Variants in ZNF320 observed in about 807,000 individuals in gnomAD.
The protein encoded by ZNF320 is zinc finger gene 320.
Under a neutral mutation model 6.8 loss-of-function variants are expected in ZNF320, and 2 were observed. The observed-to-expected ratio is 0.29, with a 90% CI of 0.12 to 0.93. The LOEUF is 0.93. ZNF320 is among the 40% of genes least tolerant of loss of function. The pLI, the probability that ZNF320 is intolerant of heterozygous loss-of-function variation, is 0.55. For missense variants in ZNF320, 472 were observed against 611.0 expected (o/e 0.77, Z 2.40); for synonymous variants, 208 against 203.2 (o/e 1.02, Z -0.20).
Position 52,869,538 on chromosome 19 carries a change from G to GT in ZNF320, c.223+4453dup, listed in dbSNP as rs1386450650. On this transcript the variant is annotated intron_variant, in intron 5 of 5. Coordinates refer to the ZNF320 transcript ENST00000673631. Reference sequence around the variant, plus strand: ...ATAACAATAATAATAATAATGACAGGTTTTTTTTCTTTTTTTGAGATGGAG... The same window carrying GT: ...ATAACAATAATAATAATAATGACAGGTTTTTTTTTCTTTTTTTGAGATGGAG... 1.4e-4 allele frequency among the ~76,000 whole-genome samples: 21 copies of GT among 151,620 alleles called. No homozygotes were observed. The East Asian group carries it at 2.9e-3, about 21-fold the overall frequency.
At chr19:52,893,173 T>C (rs2064364007) in intron 2 of ZNF320, among the ~76,000 whole-genome samples, 1 of 151,992 alleles carries the variant, frequency 6.6e-6, no homozygotes, top group Non-Finnish European at 1.5e-5. Flanking sequence ...TTGGACACCT[T>C]CATGTCAGAG....
rs771093334 is a variant in ZNF320, at chr19:52,867,189, A to AATTT, written c.224-3034_224-3031dup. On this transcript the variant is annotated intron_variant, in intron 5 of 5. Coordinates refer to the ZNF320 transcript ENST00000673631. ...GATTTAATTAATTAATTAATTAATT[A>AATTT]ATTTATTTATTTATGTATTTATTTT... 1.4e-3 allele frequency among the ~76,000 whole-genome samples: 203 copies of AATTT among 149,324 alleles called. 2 individuals are homozygous for AATTT. Among genetic ancestry groups the AATTT allele is most frequent in the Middle Eastern group, 3.4e-3 (1 of 290 alleles).
downstream of ZNF320, among the ~76,000 whole-genome samples, chr19:52,860,690 G>C (rs1376566678): frequency 6.6e-6 from 1 of 152,040 alleles, no homozygotes; most frequent in Non-Finnish European, 1.5e-5. Context: ...TAGAAGCATA[G>C]ATTGTCATGG....
chr19:52,902,731 A>G, the ZNF320 span, among the ~76,000 whole-genome samples: 1 of 152,214 alleles, frequency 6.6e-6, no homozygotes, highest in African/African-American at 2.4e-5. Flanking sequence ...ATTTTAATGA[A>G]ACTTTGTAGA....
At chr19:52,872,960 T>C (rs1423000030), downstream of ZNF320, among the ~76,000 whole-genome samples, 3 of 152,202 alleles carry the variant, frequency 2.0e-5, no homozygotes, top group Admixed American at 6.5e-5. Flanking sequence ...TGGATGTGCA[T>C]GTAGGCCAGG....
At chr19:52,865,489 A>ATATT (rs1568692812) in intron 5 of ZNF320, 12 of 137,968 alleles carry the variant, frequency 8.7e-5, no homozygotes, top group African/African-American at 2.6e-4. Context: ...TATATAATAC[A>ATATT]TATATATTAT....
chr19:52,875,102 CTT>C (rs1347378025), downstream of ZNF320, among the ~76,000 whole-genome samples: 3 of 152,198 alleles, frequency 2.0e-5, no homozygotes, highest in Non-Finnish European at 4.4e-5. Context: ...GCAAATGTCT[CTT>C]TACATTATAA....
At chr19:52,870,975 T>C in intron 5 of ZNF320, among the ~76,000 whole-genome samples, 1 of 151,686 alleles carries the variant, frequency 6.6e-6, no homozygotes, top group East Asian at 1.9e-4. Flanking sequence ...TGAAATCCCA[T>C]CTCTACTAAG....
upstream of ZNF320, among the ~76,000 whole-genome samples, chr19:52,898,975 G>C (rs1411258190): frequency 6.6e-6 from 1 of 152,218 alleles, no homozygotes; most frequent in Admixed American, 6.5e-5. Context: ...AAAACAATAT[G>C]AGAGGGTCTC....
At chr19:52,895,891 A>G (rs976271249) in intron 1 of ZNF320, 2 of 151,314 alleles carry the variant, frequency 1.3e-5, no homozygotes, top group African/African-American at 4.9e-5. Flanking sequence ...TATGATACAG[A>G]CTAGAAAGCA....
In ZNF320 at chr19:52,881,057, A is replaced by G; in HGVS notation, c.1069T>C (p.Tyr357His). ...HRRIHTGEKP[Y>H]KCKVCDKAFR... ...GCCTTGTCACAAACCTTACATTTGT[A>G]TGGTTTCTCTCCAGTATGAATCCTC... Residue 357 changes from tyrosine (Y) to histidine (H), a missense_variant, in exon 6 of 6, where the codon TAC becomes CAC. Transcript: ENST00000682928. The G allele has an allele frequency of 6.2e-7, 1 of 1,613,964 alleles. No homozygotes were observed. Among genetic ancestry groups the G allele is most frequent in the Non-Finnish European group, 8.5e-7 (1 of 1,180,008 alleles).
At chr19:52,865,470 T>TATTA (rs1414636050) in intron 5 of ZNF320, 1 of 40,362 alleles carries the variant, frequency 2.5e-5, no homozygotes, top group Non-Finnish European at 5.6e-5. Context: ...TATATATATA[T>TATTA]TACATATATA....
chr19:52,875,837 T>C (rs2063756359), downstream of ZNF320, among the ~76,000 whole-genome samples: 1 of 152,146 alleles, frequency 6.6e-6, no homozygotes, highest in Non-Finnish European at 1.5e-5. Context: ...AAATGAAATG[T>C]CTCTTTCAAT....
chr19:52,883,515 C>T (rs2147828498), intron 5 of ZNF320: 1 of 407,460 alleles, frequency 2.5e-6, no homozygotes, highest in Admixed American at 2.9e-5. Context: ...GTAGTTACCA[C>T]CCGTACACAA....
intron 5 of ZNF320, chr19:52,865,288 C>T: frequency 4.3e-6 from 1 of 233,364 alleles, no homozygotes; most frequent in South Asian, 6.0e-5. Flanking sequence ...TGCTACTGGA[C>T]TCCAGACTGG....
intron 5 of ZNF320, chr19:52,865,477 T>TATATGTAATAC (rs1568692752): frequency 9.6e-4 from 42 of 43,972 alleles, no homozygotes; most frequent in African/African-American, 3.3e-3. Context: ...ATATTACATA[T>TATATGTAATAC]ATATATAATA....
upstream of ZNF320, among the ~76,000 whole-genome samples, chr19:52,901,621 G>T (rs993348853): frequency 1.3e-5 from 2 of 152,220 alleles, no homozygotes; most frequent in African/African-American, 4.8e-5. Context: ...AGGTGGCGGG[G>T]TTAGGGTGTT....
At chr19:52,892,250 C>T (rs1378256721) in intron 2 of ZNF320, 1 of 152,120 alleles carries the variant, frequency 6.6e-6, no homozygotes, top group Non-Finnish European at 1.5e-5. Flanking sequence ...GTTGTAATCC[C>T]AGCTACTCAG....
chr19:52,900,659 A>C (rs56376696), upstream of ZNF320, among the ~76,000 whole-genome samples: 2,066 of 152,082 alleles, frequency 0.014, 57 homozygotes, highest in African/African-American at 0.047. Context: ...TTTTTTTATT[A>C]GGATGTTTAC....
Sources: allele counts gnomAD v4.1 joint callset (sites outside exome capture counted in the v4.1 genomes callset), GRCh38; gene constraint gnomAD v4.1.1; transcripts MANE v1.5; gene names NCBI Gene and HGNC (gene_info 2026-07-23, HGNC 2026-07-21).